Variants in PON1 observed in about 807,000 individuals in gnomAD.
The protein encoded by PON1 is paraoxonase 1.
A neutral mutation model predicts 39.2 loss-of-function variants in PON1; 37 were observed. That is an observed-to-expected ratio of 0.94 (90% confidence interval 0.73 to 1.24). The LOEUF is 1.24. PON1 is among the 50% of genes most tolerant of loss of function. The pLI is 0.00. For synonymous variants in PON1, 148 were observed against 152.2 expected (o/e 0.97, Z 0.21); for missense variants, 397 against 413.5 (o/e 0.96, Z 0.35).
In PON1 at chr7:95,315,403, C is replaced by T. The variant is rs753660246; in HGVS notation, c.289G>A (p.Val97Met). 3.7e-6 allele frequency: 6 copies of T among 1,612,404 alleles called. No individual in the cohort carries two copies. Among genetic ancestry groups the T allele is most frequent in the Admixed American group, 1.7e-5 (1 of 60,008 alleles). Residue 97 changes from valine to methionine, a missense_variant, in exon 4 of 9, where the codon GTG becomes ATG. Val to Met is a conservative substitution (Grantham distance 21). Coordinates refer to ENST00000222381, the MANE Select transcript of PON1 (RefSeq NM_000446.7). ...CTTCCAGTGATCCCCAATTCCAACA[C>T]TGTTGGATCTTCTTCATTCAGGTCC... is the stretch of plus-strand genomic sequence containing the variant. ...LMDLNEEDPTVLELGITGSKF... is the reference protein window; with the variant it reads ...LMDLNEEDPTMLELGITGSKF...
At chr7:95,303,853 CAG>C (rs1807484357) in intron 7 of PON1, among the ~76,000 whole-genome samples, 1 of 152,186 alleles carries the variant, frequency 6.6e-6, no homozygotes, top group Non-Finnish European at 1.5e-5. Flanking sequence ...TTGGGAAAAA[CAG>C]AGTATTCTCT....
intron 5 of PON1, among the ~76,000 whole-genome samples, chr7:95,309,853 T>TA (rs1301721596): frequency 2.6e-5 from 4 of 152,120 alleles, no homozygotes; most frequent in Admixed American, 1.3e-4. Flanking sequence ...ATTAATGTTA[T>TA]AAAAAACCAT....
chr7:95,312,447 G>T (rs1010225571), intron 4 of PON1, among the ~76,000 whole-genome samples: 21 of 152,194 alleles, frequency 1.4e-4, no homozygotes, highest in Non-Finnish European at 2.6e-4. Context: ...AACAGAGAAA[G>T]CTGCTAAAAT....
At position 95,321,764 on chromosome 7, in the gene PON1, A is replaced by G. The variant is rs2049647; in HGVS notation, c.74+2638T>C. 9.9e-3 allele frequency among the ~76,000 whole-genome samples: 1,510 copies of G among 152,186 alleles called. 25 individuals are homozygous for G. Among genetic ancestry groups the G allele is most frequent in the African/African-American group, 0.034 (1,421 of 41,516 alleles). ...CTTCACCTAGAATGCTCTTTAGCCC[A>G]TTACCCACTGGAAAGACCCCTACTC... On this transcript the variant is annotated intron_variant, in intron 1 of 8. Transcript: ENST00000222381.
At chr7:95,317,026 T>A (rs74534192) in intron 2 of PON1, among the ~76,000 whole-genome samples, 1 of 152,248 alleles carries the variant, frequency 6.6e-6, no homozygotes, top group Non-Finnish European at 1.5e-5. Context: ...TTGTTTTAAA[T>A]TGATGGACTA....
intron 8 of PON1, among the ~76,000 whole-genome samples, chr7:95,299,782 G>C (rs1311385332): frequency 6.6e-6 from 1 of 152,072 alleles, no homozygotes; most frequent in African/African-American, 2.4e-5. Flanking sequence ...TTGTGATCAG[G>C]TAAGTTAATA....
At chr7:95,302,116 A>C (rs1023976607) in intron 8 of PON1, 89 bp downstream of exon 8, 6 of 772,318 alleles carry the variant, frequency 7.8e-6, no homozygotes, top group Admixed American at 4.1e-5. Context: ...AAAAAAAAAA[A>C]AAAAACCAAG....
chr7:95,298,293 A>ATTT lies in PON1; in HGVS notation c.*648_*650dup, dbSNP rs1383259237. On this transcript the variant is annotated 3_prime_UTR_variant, in exon 9 of 9. Coordinates refer to ENST00000222381, the MANE Select transcript of PON1 (RefSeq NM_000446.7). ...TTCAGGTGTGACAACACTCCCAAGA[A>ATTT]TTTTAAGATTTTCCTATGTGTCATT... 1 of 154,242 alleles carries ATTT rather than the reference A, an allele frequency of 6.5e-6. No homozygotes were observed. Among genetic ancestry groups the ATTT allele is most frequent in the Non-Finnish European group, 1.4e-5 (1 of 69,358 alleles). The allele number at this position is 154,242 out of a possible 1,614,324, so 9.6% of individuals were successfully genotyped here.
intron 5 of PON1, 109 bp from the exon 6 acceptor site, chr7:95,308,320 G>T: frequency 1.0e-6 from 1 of 982,990 alleles, no homozygotes; most frequent in South Asian, 1.4e-5. Flanking sequence ...ATGTGGGATG[G>T]AGCCTTCGTG....
In PON1 at chr7:95,315,507, G is replaced by A; in HGVS notation, c.202-17C>T. On this transcript the variant is annotated splice_polypyrimidine_tract_variant and intron_variant, in intron 3 of 8. Coordinates refer to ENST00000222381, the MANE Select transcript of PON1 (RefSeq NM_000446.7). ...CTTTAATCCCTTATAAACCATGGAG[G>A]AGAAAAATCAAGCACAATACCAGTA... 1 of 1,612,586 alleles carries A rather than the reference G, an allele frequency of 6.2e-7. No individual in the cohort carries two copies. Among genetic ancestry groups the A allele is most frequent in the Non-Finnish European group, 8.5e-7 (1 of 1,179,342 alleles).
At chr7:95,303,894 T>C (rs938762759) in intron 7 of PON1, among the ~76,000 whole-genome samples, 1 of 152,312 alleles carries the variant, frequency 6.6e-6, no homozygotes, top group African/African-American at 2.4e-5. Flanking sequence ...TTTTTGCGCA[T>C]TGAGGTTCAT....
At position 95,302,199 on chromosome 7, in the gene PON1, A is replaced by T. The variant is rs1807449472; in HGVS notation, c.909+6T>A. 1.2e-6 allele frequency: 2 copies of T among 1,608,252 alleles called. No individual in the cohort carries two copies. Among genetic ancestry groups the T allele is most frequent in the Middle Eastern group, 1.7e-4 (1 of 6,038 alleles). ...GTCACTTATCTGGTTCATTTTTAAA[A>T]CTTACCTCTGATGCAGGAGGATTCT... On this transcript the variant is annotated splice_donor_region_variant and intron_variant, in intron 8 of 8. Transcript: ENST00000222381.
At chr7:95,322,519 G>C (rs1022635474) in intron 1 of PON1, among the ~76,000 whole-genome samples, 7 of 152,130 alleles carry the variant, frequency 4.6e-5, no homozygotes, top group African/African-American at 1.7e-4. Context: ...CCACAACTGT[G>C]TGTTGCCTAC....
intron 5 of PON1, among the ~76,000 whole-genome samples, chr7:95,310,909 T>C (rs1807638906): frequency 6.6e-6 from 1 of 152,168 alleles, no homozygotes; most frequent in South Asian, 2.1e-4. Context: ...GTGTTTTATT[T>C]CACCATATGT....
intron 8 of PON1, 55 bp downstream of exon 8, chr7:95,302,150 G>GA (rs1195222289): frequency 1.1e-6 from 1 of 947,224 alleles, no homozygotes; most frequent in Non-Finnish European, 1.6e-6. Flanking sequence ...GTTGTCAACT[G>GA]AAAAAACAGT....
chr7:95,310,770 A>G (rs1290515245), intron 5 of PON1, among the ~76,000 whole-genome samples: 1 of 152,202 alleles, frequency 6.6e-6, no homozygotes, highest in Non-Finnish European at 1.5e-5. Context: ...ATTCTAGAAA[A>G]TCGTAATCAG....
chr7:95,299,502 G>C (rs145982227), intron 8 of PON1, among the ~76,000 whole-genome samples: 1 of 152,134 alleles, frequency 6.6e-6, no homozygotes, highest in Admixed American at 6.5e-5. Context: ...GTCTGTGAGC[G>C]TGTTGCCAAA....
At position 95,308,159 on chromosome 7, in the gene PON1, G is replaced by C; in HGVS notation, c.550C>G (p.His184Asp). Residue 184 changes from histidine to aspartate, a missense_variant, in exon 6 of 9, where the codon CAC (histidine) becomes GAC (aspartate). Physicochemically the swap from His to Asp is moderately conservative, Grantham distance 81 (BLOSUM62 -1). Coordinates refer to ENST00000222381, the MANE Select transcript of PON1 (RefSeq NM_000446.7). ...GPEHFYGTND[H>D]YFLDPYLQSW... ...TGTAAGTAGGGGTCAAGAAAATAGT[G>C]ATCATTTGTGCCATAAAAGTGCTCA... 6.2e-7 allele frequency: 1 copy of C among 1,614,066 alleles called. No homozygotes were observed. Among genetic ancestry groups the C allele is most frequent in the Non-Finnish European group, 8.5e-7 (1 of 1,179,990 alleles).
intron 6 of PON1, among the ~76,000 whole-genome samples, chr7:95,306,681 G>A (rs1227295002): frequency 6.6e-6 from 1 of 152,164 alleles, no homozygotes; most frequent in Non-Finnish European, 1.5e-5. Context: ...TGACAATTTA[G>A]TGTCAAGGCC....
Sources: gnomAD v4.1 joint callset for allele counts (sites outside exome capture counted in the v4.1 genomes callset) on GRCh38, gnomAD v4.1.1 for gene constraint, MANE v1.5 for transcripts, NCBI Gene and HGNC (gene_info 2026-07-23, HGNC 2026-07-21) for gene names.